Variants in SYT16 observed in about 807,000 individuals in gnomAD.
SYT16 encodes synaptotagmin-16.
A neutral mutation model predicts 61.4 loss-of-function variants in SYT16; 42 were observed. The observed-to-expected ratio is 0.68, with a 90% CI of 0.53 to 0.89. The LOEUF (loss-of-function observed/expected upper bound fraction) is 0.89, where lower values mean the gene tolerates loss of function less well. SYT16 is among the 40% of genes least tolerant of loss of function. The pLI is 0.00. For missense variants in SYT16, 804 were observed against 807.3 expected (o/e 1.00, Z 0.05); for synonymous variants, 314 against 302.3 (o/e 1.04, Z -0.40).
Position 61,996,284 on chromosome 14 carries a change from G to C in SYT16, c.265G>C (p.Asp89His). ...EDANSLFLEVDHFSCCNSDLQ... is the reference protein window; with the variant it reads ...EDANSLFLEVHHFSCCNSDLQ... ...TGCAAATTCCTTGTTTCTTGAAGTG[G>C]ATCATTTCTCATGTTGTAATAGTGA... Residue 89 changes from aspartate to histidine, a missense_variant, in exon 3 of 8, where the codon GAT (aspartate) becomes CAT (histidine). By Grantham distance (81) the Asp-to-His change is moderately conservative (BLOSUM62 -1). Coordinates refer to ENST00000683842, the MANE Select transcript of SYT16 (RefSeq NM_001367656.1). The C allele has an allele frequency of 6.2e-7, 1 of 1,613,610 alleles. No individual in the cohort carries two copies. The highest frequency in any genetic ancestry group is 1.1e-5 in the South Asian group (1 of 91,074).
At chr14:61,960,541 C>A (rs977173798) in intron 1 of SYT16, among the ~76,000 whole-genome samples, 3 of 152,088 alleles carry the variant, frequency 2.0e-5, no homozygotes, top group Non-Finnish European at 4.4e-5. Context: ...GATTTTCATA[C>A]ATTTATTTTG....
At chr14:62,059,137 G>A (rs552970052) in intron 3 of SYT16, among the ~76,000 whole-genome samples, 15 of 152,130 alleles carry the variant, frequency 9.9e-5, no homozygotes, top group African/African-American at 3.6e-4. Flanking sequence ...CTTCATATCT[G>A]GGTGATAAAA....
Position 62,038,568 on chromosome 14 carries a change from A to G in SYT16, c.524-31035A>G, listed in dbSNP as rs536728397. On this transcript the variant is annotated intron_variant, in intron 3 of 7. Transcript: ENST00000683842. Reference sequence around the variant, plus strand: ...TTCCATGATTTTGTTGATCCCAGCTACTGTGGAAAGCAAGGACTCCTTGGG... The same window carrying G: ...TTCCATGATTTTGTTGATCCCAGCTGCTGTGGAAAGCAAGGACTCCTTGGG... Among the ~76,000 whole-genome samples the G allele has an allele frequency of 5.3e-5, 8 of 152,244 alleles. No individual in the cohort carries two copies. The South Asian group carries it at 1.0e-3, about 20-fold the overall frequency.
chr14:61,820,478 T>TC (rs2045581782), intron 1 of SYT16, among the ~76,000 whole-genome samples: 1 of 131,438 alleles, frequency 7.6e-6, no homozygotes, highest in African/African-American at 2.9e-5. Flanking sequence ...AGTTTTTTTT[T>TC]TTTTTTTTTT....
chr14:61,835,328 G>A (rs963623015), intron 1 of SYT16, among the ~76,000 whole-genome samples: 1 of 142,450 alleles, frequency 7.0e-6, no homozygotes, highest in African/African-American at 2.7e-5. Flanking sequence ...GCGCGGTCTC[G>A]GCTCACTGCA....
chr14:61,896,856 A>T (rs2048342483), intron 1 of SYT16, among the ~76,000 whole-genome samples: 1 of 152,174 alleles, frequency 6.6e-6, no homozygotes, highest in African/African-American at 2.4e-5. Flanking sequence ...CATATCAAAA[A>T]CTCAAAAAGA....
intron 3 of SYT16, among the ~76,000 whole-genome samples, chr14:62,040,381 A>T (rs2140845364): frequency 6.6e-6 from 1 of 152,338 alleles, no homozygotes; most frequent in Middle Eastern, 3.4e-3. Flanking sequence ...CAATTGGGAC[A>T]TTTCAAAAAG....
At chr14:62,078,151 CTCTCTA>C (rs2056569950) in intron 5 of SYT16, among the ~76,000 whole-genome samples, 2 of 106,364 alleles carry the variant, frequency 1.9e-5, no homozygotes, top group South Asian at 2.9e-4. Flanking sequence ...CTCTCTCTCT[CTCTCTA>C]TATATATATA....
intron 1 of SYT16, among the ~76,000 whole-genome samples, chr14:61,901,762 A>AATAATAATAATAATAATT (rs1010775490): frequency 3.2e-4 from 44 of 138,828 alleles, no homozygotes; most frequent in African/African-American, 1.3e-3. Context: ...TAATAATAAT[A>AATAATAATAATAATAATT]ATTATTATTA....
chr14:62,092,677 A>G lies in SYT16; in HGVS notation c.1625-7717A>G, dbSNP rs576706823. On this transcript the variant is annotated intron_variant, in intron 7 of 7. Transcript: ENST00000683842. ...CACTTATAAGAGGTATTTAGAGTAG[A>G]AAAAAAAATCATAAAAGCCAGTAGA... Among the ~76,000 whole-genome samples the G allele has an allele frequency of 4.6e-5, 7 of 151,302 alleles. No homozygotes were observed. In the East Asian group the frequency reaches 5.8e-4, roughly 13 times the overall value.
At chr14:62,072,445 G>A (rs898462627) in intron 4 of SYT16, among the ~76,000 whole-genome samples, 2 of 152,114 alleles carry the variant, frequency 1.3e-5, no homozygotes, top group Admixed American at 1.3e-4. Context: ...GGTGGTGGCT[G>A]GCTAGGTAAC....
chr14:62,075,598 G>T (rs1223469356), intron 5 of SYT16, among the ~76,000 whole-genome samples: 1 of 98,404 alleles, frequency 1.0e-5, no homozygotes, highest in African/African-American at 4.4e-5. Context: ...AAAAAAGGAT[G>T]AACGGTAAAA....
intron 1 of SYT16, among the ~76,000 whole-genome samples, chr14:61,917,119 C>A (rs1024192942): frequency 6.6e-6 from 1 of 152,064 alleles, no homozygotes; most frequent in Non-Finnish European, 1.5e-5. Flanking sequence ...AGTGGGATTG[C>A]TGGATCATAT....
intron 1 of SYT16, among the ~76,000 whole-genome samples, chr14:61,818,490 C>T (rs1314845852): frequency 6.6e-6 from 1 of 152,062 alleles, no homozygotes; most frequent in Non-Finnish European, 1.5e-5. Context: ...CCAGCCTGAT[C>T]AACATGGTGA....
At chr14:61,993,263 G>C (rs1416678562) in intron 2 of SYT16, among the ~76,000 whole-genome samples, 2 of 151,836 alleles carry the variant, frequency 1.3e-5, no homozygotes, top group African/African-American at 4.8e-5. Context: ...GGGCCTGTGG[G>C]GGTGTGGGGG....
intron 1 of SYT16, among the ~76,000 whole-genome samples, chr14:61,823,634 C>G (rs1266762118): frequency 6.6e-6 from 1 of 150,792 alleles, no homozygotes; most frequent in Non-Finnish European, 1.5e-5. Flanking sequence ...CACCTGTAAC[C>G]CTAGGTACTC....
rs770892469 is a variant in SYT16 at position 62,005,619 on chromosome 14, G to A, written c.523+9077G>A. ...CCACCCACTTCTTTCCATTTCACAG[G>A]CAAAATAAGAGCAGTAGAAAATGAT... On this transcript the variant is annotated intron_variant, in intron 3 of 7. Transcript: ENST00000683842. 3.4e-4 allele frequency among the ~76,000 whole-genome samples: 51 copies of A among 152,072 alleles called. 1 individual carries two copies. Among genetic ancestry groups the A allele is most frequent in the Admixed American group, 3.3e-3 (51 of 15,250 alleles).
In SYT16 at chr14:61,997,577, A is replaced by C. The variant is rs150487737; in HGVS notation, c.523+1035A>C. ...TAATGCTCTCTTGATACTTTTATTC[A>C]AATTAAGGTAACATTGAAATGCTAG... On this transcript the variant is annotated intron_variant, in intron 3 of 7. Transcript: ENST00000683842. Among the ~76,000 whole-genome samples the C allele has an allele frequency of 4.7e-3, 718 of 152,134 alleles. 3 individuals are homozygous for C. The highest frequency in any genetic ancestry group is 0.016 in the African/African-American group (680 of 41,544).
intron 4 of SYT16, among the ~76,000 whole-genome samples, chr14:62,071,114 C>G (rs1026189858): frequency 6.6e-6 from 1 of 152,102 alleles, no homozygotes; most frequent in African/African-American, 2.4e-5. Context: ...AAGTAAAGGC[C>G]CTATATAACC....
Sources: gnomAD v4.1 joint callset for allele counts (sites outside exome capture counted in the v4.1 genomes callset) on GRCh38, gnomAD v4.1.1 for gene constraint, MANE v1.5 for transcripts, NCBI Gene and HGNC (gene_info 2026-07-23, HGNC 2026-07-21) for gene names.